TMEM132C: variants seen among roughly 807,000 people sequenced by gnomAD.
The protein encoded by TMEM132C is transmembrane protein 132C, also known as protein phosphatase 1, regulatory subunit 152.
A neutral mutation model predicts 61.4 loss-of-function variants in TMEM132C; 29 were observed. The ratio of observed to expected loss-of-function variants is 0.47; its 90% confidence interval spans 0.35 to 0.64. The LOEUF is 0.64. Among genes scored for constraint, TMEM132C ranks in the 30% least tolerant of loss-of-function variants. The pLI is 0.00. For synonymous variants in TMEM132C, 656 were observed against 633.1 expected, an observed-to-expected ratio of 1.04 and a Z score of -0.54; for missense variants, 1,408 against 1,476.9, an observed-to-expected ratio of 0.95 and a Z score of 0.76.
intron 1 of TMEM132C, among the ~76,000 whole-genome samples, chr12:128,413,224 G>A (rs920906420): frequency 2.0e-5 from 3 of 149,890 alleles, no homozygotes; most frequent in Non-Finnish European, 4.4e-5. Context: ...GTGTGAACCC[G>A]GGAGGCGGAG....
chr12:128,681,518 G>A (rs922847634), intron 5 of TMEM132C, among the ~76,000 whole-genome samples: 1 of 152,054 alleles, frequency 6.6e-6, no homozygotes, highest in Non-Finnish European at 1.5e-5. Flanking sequence ...CTGGATCCAG[G>A]GGCTCAAATG....
chr12:128,534,038 A>G (rs189107318), intron 2 of TMEM132C, among the ~76,000 whole-genome samples: 13 of 152,184 alleles, frequency 8.5e-5, no homozygotes, highest in Admixed American at 3.9e-4. Flanking sequence ...CTCTAAGGAG[A>G]GAATTTCATA....
chr12:128,569,093 C>T (rs144708885), intron 3 of TMEM132C, among the ~76,000 whole-genome samples: 97 of 152,124 alleles, frequency 6.4e-4, no homozygotes, highest in African/African-American at 2.1e-3. Flanking sequence ...AGCAGGTGAG[C>T]GGGGGCGTGC....
intron 1 of TMEM132C, among the ~76,000 whole-genome samples, chr12:128,306,978 G>C (rs1871805037): frequency 6.6e-6 from 1 of 152,048 alleles, no homozygotes; most frequent in Non-Finnish European, 1.5e-5. Context: ...AGGTTAAGAG[G>C]GTGGTTGAAA....
chr12:128,661,019 T>G (rs1954383827), intron 4 of TMEM132C, among the ~76,000 whole-genome samples: 1 of 151,992 alleles, frequency 6.6e-6, no homozygotes. Context: ...GATGACAGAT[T>G]AGATAGATGA....
chr12:128,387,460 A>G (rs772927403), intron 1 of TMEM132C, among the ~76,000 whole-genome samples: 12 of 152,196 alleles, frequency 7.9e-5, no homozygotes, highest in Non-Finnish European at 1.5e-4. Flanking sequence ...ACTGAGTTCC[A>G]TTGTAGACTC....
chr12:128,397,661 T>C (rs10847609), intron 1 of TMEM132C, among the ~76,000 whole-genome samples: 4 of 151,926 alleles, frequency 2.6e-5, no homozygotes, highest in African/African-American at 9.7e-5. Flanking sequence ...TGGGTCCCAA[T>C]GCTTTTCTCT....
chr12:128,684,549 G>T (rs550809326), intron 5 of TMEM132C, among the ~76,000 whole-genome samples: 2 of 152,344 alleles, frequency 1.3e-5, no homozygotes, highest in South Asian at 2.1e-4. Context: ...CATTAGCGCT[G>T]CCAACCCCCC....
intron 2 of TMEM132C, among the ~76,000 whole-genome samples, chr12:128,479,260 C>A (rs1461636292): frequency 2.0e-5 from 3 of 152,160 alleles, no homozygotes; most frequent in Admixed American, 1.3e-4. Flanking sequence ...CTAATGGATA[C>A]TAGGCTCGAT....
chr12:128,551,942 G>T (rs1040443385), intron 3 of TMEM132C, among the ~76,000 whole-genome samples: 1 of 152,196 alleles, frequency 6.6e-6, no homozygotes, highest in Non-Finnish European at 1.5e-5. Context: ...AGCATTCCTG[G>T]AGCCTTACTT....
At chr12:128,525,711 G>T (rs954167673) in intron 2 of TMEM132C, among the ~76,000 whole-genome samples, 2 of 152,158 alleles carry the variant, frequency 1.3e-5, no homozygotes, top group Non-Finnish European at 2.9e-5. Context: ...CGTGCCCCAG[G>T]TTCCTGAGAG....
Position 128,570,833 on chromosome 12 carries a change from A to G in TMEM132C, c.1121+26730A>G, listed in dbSNP as rs976697843. On this transcript the variant is annotated intron_variant, in intron 3 of 8. Transcript: ENST00000435159. The surrounding 1 kb of genome is among the most constrained non-coding windows in gnomAD (Gnocchi z 4.7). ...ATAAGAAAAACAATAGCTTCCTTGC[A>G]AGTTCAGCCAGTAGACATCTGCTTA... 2.0e-5 allele frequency among the ~76,000 whole-genome samples: 3 copies of G among 152,238 alleles called. No individual in the cohort carries two copies. Among genetic ancestry groups the G allele is most frequent in the Non-Finnish European group, 2.9e-5 (2 of 68,042 alleles).
rs552200674 is a variant in TMEM132C, at chr12:128,330,539, C to T, written c.85+63052C>T. Reference sequence around the variant, plus strand: ...CTGCACTCCAGCCTGGGCAACAGAGCGAGACCCCATCTCTAAAAAATGTTT... The same window carrying T: ...CTGCACTCCAGCCTGGGCAACAGAGTGAGACCCCATCTCTAAAAAATGTTT... On this transcript the variant is annotated intron_variant, in intron 1 of 8. Transcript: ENST00000435159. Among the ~76,000 whole-genome samples, 9 of 152,174 alleles carry T rather than the reference C, an allele frequency of 5.9e-5. No homozygotes were observed. In the East Asian group the frequency reaches 7.7e-4, roughly 13 times the overall value.
intron 2 of TMEM132C, among the ~76,000 whole-genome samples, chr12:128,522,219 C>A (rs918801579): frequency 6.6e-6 from 1 of 152,180 alleles, no homozygotes; most frequent in Non-Finnish European, 1.5e-5. Context: ...CAATTAGCCG[C>A]GCACACATCA....
intron 3 of TMEM132C, among the ~76,000 whole-genome samples, chr12:128,559,004 T>C (rs1030205933): frequency 2.0e-5 from 3 of 152,198 alleles, no homozygotes; most frequent in Non-Finnish European, 4.4e-5. Flanking sequence ...AAATATCTAC[T>C]TCTGCCTCCA....
intron 3 of TMEM132C, among the ~76,000 whole-genome samples, chr12:128,552,228 T>G (rs1874198675): frequency 6.6e-6 from 1 of 152,228 alleles, no homozygotes; most frequent in South Asian, 2.1e-4. Context: ...ATTAAAACGC[T>G]ACTGTTAACA....
At chr12:128,370,781 G>A (rs1373970558) in intron 1 of TMEM132C, among the ~76,000 whole-genome samples, 3 of 100,546 alleles carry the variant, frequency 3.0e-5, no homozygotes, top group East Asian at 2.8e-4. Context: ...GGGAGGCTCA[G>A]TGAAGAATTT....
chr12:128,302,571 C>T (rs1871631688), intron 1 of TMEM132C, among the ~76,000 whole-genome samples: 1 of 152,168 alleles, frequency 6.6e-6, no homozygotes, highest in Non-Finnish European at 1.5e-5. Context: ...GATCATGTAG[C>T]TCTTTCGTGT....
intron 1 of TMEM132C, among the ~76,000 whole-genome samples, chr12:128,330,657 G>A (rs547558427): frequency 6.6e-6 from 1 of 152,244 alleles, no homozygotes; most frequent in East Asian, 1.9e-4. Flanking sequence ...TAGTCAGAAT[G>A]CCTCTAAACT....
Sources: gnomAD v4.1 joint callset for allele counts (sites outside exome capture counted in the v4.1 genomes callset) on GRCh38, gnomAD v4.1.1 for gene constraint, Gnocchi (gnomAD v3.1) non-coding constraint, MANE v1.5 for transcripts, NCBI Gene and HGNC (gene_info 2026-07-23, HGNC 2026-07-21) for gene names.